CDH13: variants seen among roughly 807,000 people sequenced by gnomAD.
CDH13 encodes cadherin 13.
In CDH13, 24 loss-of-function variants were observed where a neutral mutation model predicts 63.8. That is an observed-to-expected ratio of 0.38 (90% CI 0.27 to 0.53). CDH13 has a LOEUF of 0.53. Among genes scored for constraint, CDH13 ranks in the 20% least tolerant of loss-of-function variants. The probability of loss-of-function intolerance (pLI) is 0.85; values close to 1 mark genes in which losing one functional copy is unlikely to be tolerated. For missense variants in CDH13, 1,049 were observed against 903.1 expected, an observed-to-expected ratio of 1.16 and a Z score of -2.07; for synonymous variants, 503 against 355.3, an observed-to-expected ratio of 1.42 and a Z score of -4.67.
intron 3 of CDH13, among the ~76,000 whole-genome samples, chr16:83,036,542 A>G (rs1916872571): frequency 6.6e-6 from 1 of 152,156 alleles, no homozygotes; most frequent in Non-Finnish European, 1.5e-5. Flanking sequence ...TGCAGTTACA[A>G]CAGAGGCAAG....
chr16:82,926,236 A>G (rs1219330747), intron 2 of CDH13, among the ~76,000 whole-genome samples: 1 of 151,844 alleles, frequency 6.6e-6, no homozygotes, highest in Admixed American at 6.6e-5. Flanking sequence ...ACCCTAGACA[A>G]TATTTAAAAT....
At chr16:83,777,416 G>A (rs549742956) in intron 11 of CDH13, among the ~76,000 whole-genome samples, 6 of 152,332 alleles carry the variant, frequency 3.9e-5, no homozygotes, top group Middle Eastern at 3.4e-3. Context: ...CTGCAGCTGC[G>A]CTGAGTCTTG....
intron 6 of CDH13, among the ~76,000 whole-genome samples, chr16:83,356,127 G>C (rs994799789): frequency 2.0e-5 from 3 of 152,050 alleles, no homozygotes; most frequent in Non-Finnish European, 4.4e-5. Context: ...TTTCACCCGT[G>C]ATGATGTTGC....
chr16:82,804,419 A>G (rs1292450358), intron 1 of CDH13, among the ~76,000 whole-genome samples: 1 of 152,202 alleles, frequency 6.6e-6, no homozygotes, highest in African/African-American at 2.4e-5. Flanking sequence ...CATATATAAA[A>G]CATATCAAAT....
At chr16:83,703,572 T>A (rs1906566157) in intron 10 of CDH13, among the ~76,000 whole-genome samples, 1 of 152,226 alleles carries the variant, frequency 6.6e-6, no homozygotes. Context: ...GAGAAGACTT[T>A]GAATAAAATG....
intron 6 of CDH13, among the ~76,000 whole-genome samples, chr16:83,357,112 AAAG>A (rs2091071674): frequency 6.6e-6 from 1 of 152,126 alleles, no homozygotes; most frequent in Non-Finnish European, 1.5e-5. Context: ...ATCCTTAAAA[AAAG>A]GCCTGCTTTT....
chr16:83,149,110 C>G (rs910544215), intron 4 of CDH13, among the ~76,000 whole-genome samples: 1 of 152,182 alleles, frequency 6.6e-6, no homozygotes, highest in African/African-American at 2.4e-5. Context: ...CTACATGTTA[C>G]TCCAAGATAC....
intron 1 of CDH13, among the ~76,000 whole-genome samples, chr16:82,846,188 G>A (rs192123325): frequency 1.3e-5 from 2 of 152,112 alleles, no homozygotes; most frequent in African/African-American, 4.8e-5. Context: ...GTTCTTAGAG[G>A]TTGTCATGTG....
chr16:82,838,932 T>G (rs2084027570), intron 1 of CDH13, among the ~76,000 whole-genome samples: 1 of 152,170 alleles, frequency 6.6e-6, no homozygotes, highest in South Asian at 2.1e-4. Flanking sequence ...GATAATAAAT[T>G]TTCAGACATT....
At chr16:82,899,607 G>C (rs1003184161) in intron 2 of CDH13, among the ~76,000 whole-genome samples, 14 of 152,280 alleles carry the variant, frequency 9.2e-5, no homozygotes, top group African/African-American at 3.4e-4. Context: ...GCCTGTGTGT[G>C]TGTGTGTGTT....
intron 7 of CDH13, among the ~76,000 whole-genome samples, chr16:83,528,226 G>C (rs2151628945): frequency 6.6e-6 from 1 of 152,324 alleles, no homozygotes; most frequent in Admixed American, 6.5e-5. Context: ...TATCCCTGCA[G>C]CTATTCCAAA....
chr16:82,908,737 A>G (rs1388081747), intron 2 of CDH13, among the ~76,000 whole-genome samples: 1 of 152,176 alleles, frequency 6.6e-6, no homozygotes, highest in African/African-American at 2.4e-5. Context: ...ACCTCTGTGA[A>G]TACCAAAATC....
At chr16:82,811,299 C>T (rs1334634671) in intron 1 of CDH13, among the ~76,000 whole-genome samples, 2 of 152,078 alleles carry the variant, frequency 1.3e-5, no homozygotes, top group Non-Finnish European at 2.9e-5. Flanking sequence ...GACTTTTCTT[C>T]TCAAAAGTCA....
At chr16:83,513,003 G>A (rs190211435) in intron 7 of CDH13, among the ~76,000 whole-genome samples, 72 of 142,632 alleles carry the variant, frequency 5.0e-4, no homozygotes, top group African/African-American at 1.5e-3. Context: ...GAAGTATTTC[G>A]CAGATTGGGA....
chr16:82,730,673 C>T (rs764419492), intron 1 of CDH13, among the ~76,000 whole-genome samples: 3 of 152,214 alleles, frequency 2.0e-5, no homozygotes, highest in Non-Finnish European at 2.9e-5. Flanking sequence ...CACCAATACA[C>T]TTGCTCAATG....
At chr16:82,783,822 C>T (rs975243133) in intron 1 of CDH13, among the ~76,000 whole-genome samples, 1 of 135,898 alleles carries the variant, frequency 7.4e-6, no homozygotes, top group African/African-American at 2.5e-5. Flanking sequence ...AGGCTTCTGA[C>T]AAGGGAATAC....
intron 1 of CDH13, among the ~76,000 whole-genome samples, chr16:82,792,689 C>T (rs2036378081): frequency 1.3e-5 from 2 of 152,178 alleles, no homozygotes; most frequent in South Asian, 4.1e-4. Context: ...GTACATGGCT[C>T]TGTACTCAGA....
chr16:83,424,252 G>T (rs1233147652), intron 6 of CDH13, among the ~76,000 whole-genome samples: 1 of 149,396 alleles, frequency 6.7e-6, no homozygotes, highest in East Asian at 1.9e-4. Flanking sequence ...ATCCAACATG[G>T]ACTGGACAGT....
intron 10 of CDH13, among the ~76,000 whole-genome samples, chr16:83,681,052 G>A (rs979643047): frequency 2.0e-5 from 3 of 151,824 alleles, no homozygotes; most frequent in African/African-American, 2.4e-5. Context: ...CCAGCCCAAG[G>A]CCCAGGTTGA....
Sources: gnomAD v4.1 joint callset for allele counts (sites outside exome capture counted in the v4.1 genomes callset) on GRCh38, gnomAD v4.1.1 for gene constraint, MANE v1.5 for transcripts, NCBI Gene and HGNC (gene_info 2026-07-23, HGNC 2026-07-21) for gene names.